Variants in NRBP1 observed in about 807,000 individuals in gnomAD.
NRBP1 encodes nuclear receptor binding protein 1.
A neutral mutation model predicts 76.0 loss-of-function variants in NRBP1; 10 were observed. The observed-to-expected ratio is 0.13, with a 90% CI of 0.08 to 0.22. NRBP1 has a LOEUF of 0.22. Among genes scored for constraint, NRBP1 ranks in the 10% least tolerant of loss-of-function variants. The probability of loss-of-function intolerance (pLI) is 1.00; values close to 1 mark genes in which losing one functional copy is unlikely to be tolerated. For synonymous variants in NRBP1, 235 were observed against 240.2 expected (o/e 0.98, Z 0.20); for missense variants, 344 against 646.0 (o/e 0.53, Z 5.07).
At chr2:27,433,610 G>C in intron 2 of NRBP1, 63 bp from the exon 3 acceptor site, 1 of 1,609,468 alleles carries the variant, frequency 6.2e-7, no homozygotes, top group South Asian at 1.1e-5. Flanking sequence ...TGATCATATG[G>C]AGTGTTAAAA....
At chr2:27,428,478 G>A (rs893745541), upstream of NRBP1, 2 of 393,630 alleles carry the variant, frequency 5.1e-6, no homozygotes, top group South Asian at 1.4e-4. Flanking sequence ...CGGCCGGACC[G>A]GCGCAAGGGG....
intron 7 of NRBP1, chr2:27,435,724 C>G: frequency 1.4e-6 from 1 of 717,626 alleles, no homozygotes; most frequent in Middle Eastern, 2.3e-4. Flanking sequence ...TCCCAACAGT[C>G]TTTCATAGGA....
At chr2:27,433,217 C>G in intron 1 of NRBP1, 37 bp from the exon 2 acceptor site, 3 of 1,438,620 alleles carry the variant, frequency 2.1e-6, no homozygotes, top group Non-Finnish European at 2.9e-6. Flanking sequence ...CTGACTTTCT[C>G]TGCCTTTTCC....
chr2:27,432,481 C>A lies in NRBP1; in HGVS notation c.-20-773C>A, dbSNP rs112248440. Among the ~76,000 whole-genome samples the A allele has an allele frequency of 1.4e-3, 217 of 152,180 alleles. 4 individuals carry two copies. Among genetic ancestry groups the A allele is most frequent in the African/African-American group, 5.0e-3 (208 of 41,514 alleles). ...AATTTTTAAAAGTTTTGTGTAGAGACTGGGGTCTTTTTATGTTGTCCAGGC... is the reference window on the plus strand; with the variant it reads ...AATTTTTAAAAGTTTTGTGTAGAGAATGGGGTCTTTTTATGTTGTCCAGGC... On this transcript the variant is annotated intron_variant, in intron 1 of 17. Transcript: ENST00000379852.
At chr2:27,430,623 C>A (rs1007514550) in intron 1 of NRBP1, among the ~76,000 whole-genome samples, 1 of 152,020 alleles carries the variant, frequency 6.6e-6, no homozygotes, top group Non-Finnish European at 1.5e-5. Context: ...ACGTGCGCCA[C>A]CACACCCTGC....
chr2:27,428,511 C>G, upstream of NRBP1: 1 of 395,348 alleles, frequency 2.5e-6, no homozygotes, highest in Non-Finnish European at 4.5e-6. Context: ...GGAAGCCCAC[C>G]CCAGCGAACG....
chr2:27,437,388 T>C, intron 10 of NRBP1, 28 bp downstream of exon 10: 1 of 1,506,426 alleles, frequency 6.6e-7, no homozygotes, highest in Non-Finnish European at 9.2e-7. Context: ...CACTCCCTCC[T>C]CAACTGACCT....
intron 5 of NRBP1, 59 bp from the exon 6 acceptor site, chr2:27,434,663 A>G: frequency 6.2e-7 from 1 of 1,602,806 alleles, no homozygotes; most frequent in Non-Finnish European, 8.5e-7. Context: ...GGAAGGAGCT[A>G]GTGGGAGAGA....
chr2:27,433,873 C>T (rs745970947), intron 3 of NRBP1, 78 bp downstream of exon 3: 133 of 1,608,004 alleles, frequency 8.3e-5, no homozygotes, highest in Non-Finnish European at 1.0e-4. Context: ...TGGGAAGCTG[C>T]CCGTGAGGAG....
chr2:27,428,812 G>A (rs1663975444), intron 1 of NRBP1, 81 bp downstream of exon 1: 6 of 398,028 alleles, frequency 1.5e-5, no homozygotes, highest in Non-Finnish European at 2.2e-5. Context: ...GCCCGGGACG[G>A]TGGGACCCGC....
chr2:27,432,383 A>G (rs1364507629), intron 1 of NRBP1, among the ~76,000 whole-genome samples: 1 of 152,298 alleles, frequency 6.6e-6, no homozygotes, highest in East Asian at 1.9e-4. Context: ...AGAATAGTTA[A>G]TGTTTCAGTA....
chr2:27,431,258 C>A (rs1229640548), intron 1 of NRBP1, among the ~76,000 whole-genome samples: 2 of 152,216 alleles, frequency 1.3e-5, no homozygotes, highest in Admixed American at 1.3e-4. Context: ...CGAGATTGCA[C>A]CACGGCACTC....
At position 27,439,912 on chromosome 2, in the gene NRBP1, GC is replaced by G; in HGVS notation, c.1036+17del. ...TGGGACACCAACGTGAGTCGTCTTG[GC>G]CCTATGGGGAATAGTCTTCCAATCT... On this transcript the variant is annotated intron_variant, in intron 11 of 17. Coordinates refer to ENST00000379852, the MANE Select transcript of NRBP1 (RefSeq NM_013392.4). The G allele has an allele frequency of 1.3e-6, 2 of 1,599,282 alleles. No individual in the cohort carries two copies. The highest frequency in any genetic ancestry group is 1.7e-6 in the Non-Finnish European group (2 of 1,171,756).
chr2:27,440,338 C>A (rs1664487053), intron 11 of NRBP1, 65 bp from the exon 12 acceptor site: 27 of 1,123,584 alleles, frequency 2.4e-5, no homozygotes, highest in Non-Finnish European at 3.4e-5. Flanking sequence ...CCTTTGCCTG[C>A]ATGCCTTCTT....
rs748475059 is a variant in NRBP1 at position 27,440,816 on chromosome 2, A to G, written c.1205A>G (p.Tyr402Cys). The change falls in exon 14 of 18, where the codon TAT becomes TGT. Residue 402 changes from tyrosine (Y) to cysteine (C), a missense_variant. Around this residue, in one of 3 missense-constraint regions of NRBP1, gnomAD observed 218 missense variants for 309.8 expected, o/e 0.70. Coordinates refer to ENST00000379852, the MANE Select transcript of NRBP1 (RefSeq NM_013392.4). ...TCATCTCCCTCCAGGAATGGGATCT[A>G]TCCTCTGACAGCCTTTGGGCTGCCT... ...KFLEDVRNGIYPLTAFGLPRP... is the reference protein window; with the variant it reads ...KFLEDVRNGICPLTAFGLPRP... The G allele has an allele frequency of 1.9e-6, 3 of 1,614,062 alleles. No individual in the cohort carries two copies. The highest frequency in any genetic ancestry group is 1.3e-5 in the African/African-American group (1 of 75,022).
At position 27,437,162 on chromosome 2, in the gene NRBP1, A is replaced by G; in HGVS notation, c.804+57A>G. ...GTCAGATGAGAAGATGGAATTGGGAATGGAGGGAAGACAAGTAAGGCGCTG... is the reference window on the plus strand; with the variant it reads ...GTCAGATGAGAAGATGGAATTGGGAGTGGAGGGAAGACAAGTAAGGCGCTG... On this transcript the variant is annotated intron_variant, in intron 9 of 17. Coordinates refer to ENST00000379852, the MANE Select transcript of NRBP1 (RefSeq NM_013392.4). 2.5e-6 allele frequency: 4 copies of G among 1,591,374 alleles called. No individual in the cohort carries two copies. The South Asian group carries it at 4.4e-5, about 18-fold the overall frequency.
chr2:27,434,936 C>A, intron 6 of NRBP1, 174 bp downstream of exon 6: 1 of 690,020 alleles, frequency 1.4e-6, no homozygotes. Flanking sequence ...AATGCCCTAA[C>A]CACGACACTT....
intron 8 of NRBP1, 26 bp downstream of exon 8, chr2:27,436,862 T>G: frequency 6.2e-7 from 1 of 1,600,560 alleles, no homozygotes; most frequent in South Asian, 1.1e-5. Flanking sequence ...TTCTCTGCCC[T>G]GTCCTCATCC....
intron 6 of NRBP1, 147 bp downstream of exon 6, chr2:27,434,909 T>G: frequency 1.2e-6 from 1 of 843,158 alleles, no homozygotes; most frequent in Non-Finnish European, 2.0e-6. Flanking sequence ...CTACGGGTCT[T>G]TTAAAGGGTG....
Sources: allele counts gnomAD v4.1 joint callset (sites outside exome capture counted in the v4.1 genomes callset), GRCh38; gene constraint gnomAD v4.1.1; regional missense constraint gnomAD v4.1.1; transcripts MANE v1.5; gene names NCBI Gene and HGNC (gene_info 2026-07-23, HGNC 2026-07-21).